Variants in SHISA9 observed in about 807,000 individuals in gnomAD.
The protein encoded by SHISA9 is shisa family member 9, also known as protein shisa-9.
SHISA9 carries 13 observed loss-of-function variants against 38.0 expected under a neutral mutation model. The ratio of observed to expected loss-of-function variants is 0.34; its 90% confidence interval spans 0.22 to 0.54. SHISA9 has a LOEUF of 0.54. SHISA9 is among the 20% of genes least tolerant of loss of function. The pLI is 0.91. For synonymous variants in SHISA9, 275 were observed against 242.0 expected, an observed-to-expected ratio of 1.14 and a Z score of -1.27; for missense variants, 538 against 575.8, an observed-to-expected ratio of 0.93 and a Z score of 0.67.
chr16:13,235,307 G>A lies in SHISA9; in HGVS notation c.1173G>A (p.Thr391=). 1 of 1,550,310 alleles carries A rather than the reference G, an allele frequency of 6.5e-7. No homozygotes were observed. The change falls in exon 5 of 5, where the codon ACG becomes ACA. Residue 391 remains threonine, a synonymous_variant. Coordinates refer to ENST00000558583, the MANE Select transcript of SHISA9 (RefSeq NM_001145204.3). The part of the protein sequence containing the change: ...QAYSNKGKLG[T]AETGSSDPLG... ...ACAGCAACAAGGGCAAGCTTGGCAC[G>A]GCCGAGACAGGCTCCAGCGACCCCT... is the stretch of plus-strand genomic sequence containing the variant.
the SHISA9 span, among the ~76,000 whole-genome samples, chr16:13,315,933 T>C: frequency 2.0e-5 from 3 of 151,956 alleles, no homozygotes; most frequent in South Asian, 2.1e-4. Flanking sequence ...ATGGATAAAA[T>C]TGCCCAGATG....
chr16:12,939,568 A>G (rs1423790941), intron 2 of SHISA9, among the ~76,000 whole-genome samples: 1 of 151,942 alleles, frequency 6.6e-6, no homozygotes, highest in Non-Finnish European at 1.5e-5. Flanking sequence ...ATTTAAGTCA[A>G]CCCCATGGGA....
chr16:13,366,637 G>A, the SHISA9 span, among the ~76,000 whole-genome samples: 1 of 151,874 alleles, frequency 6.6e-6, no homozygotes, highest in African/African-American at 2.4e-5. Flanking sequence ...GAGCCCAGGA[G>A]TTTGAGACCA....
intron 2 of SHISA9, among the ~76,000 whole-genome samples, chr16:12,946,623 G>A (rs1567348670): frequency 6.6e-6 from 1 of 152,228 alleles, no homozygotes; most frequent in Non-Finnish European, 1.5e-5. Flanking sequence ...GAGGCAAGTG[G>A]CTGGTGTTTT....
the SHISA9 span, chr16:13,350,372 G>C: frequency 6.6e-6 from 1 of 152,364 alleles, no homozygotes; most frequent in Non-Finnish European, 1.5e-5. Context: ...AGCTTCCCTG[G>C]GTCTCCAGCC....
At chr16:13,132,054 G>GC (rs796612835) in intron 2 of SHISA9, among the ~76,000 whole-genome samples, 37 of 152,300 alleles carry the variant, frequency 2.4e-4, no homozygotes, top group African/African-American at 8.9e-4. Context: ...ACAGCGACAA[G>GC]CACAGGACAA....
chr16:13,552,067 A>G, the SHISA9 span, among the ~76,000 whole-genome samples: 1 of 152,138 alleles, frequency 6.6e-6, no homozygotes, highest in African/African-American at 2.4e-5. Flanking sequence ...GTGGGGACGC[A>G]TTTTGCTTCA....
the SHISA9 span, among the ~76,000 whole-genome samples, chr16:13,324,491 C>G: frequency 6.6e-6 from 1 of 151,986 alleles, no homozygotes; most frequent in Admixed American, 6.6e-5. Flanking sequence ...GGTTCAAATC[C>G]TAGCTCTACT....
intron 2 of SHISA9, among the ~76,000 whole-genome samples, chr16:12,922,596 T>G (rs1257330908): frequency 6.6e-6 from 1 of 152,260 alleles, no homozygotes; most frequent in Non-Finnish European, 1.5e-5. Context: ...CTTGGCTCAT[T>G]GCGACCCCTG....
At chr16:13,359,376 G>T in the SHISA9 span, among the ~76,000 whole-genome samples, 2 of 152,274 alleles carry the variant, frequency 1.3e-5, no homozygotes, top group African/African-American at 2.4e-5. Context: ...CCAGGTACCC[G>T]GGAGGCTGAG....
intron 2 of SHISA9, among the ~76,000 whole-genome samples, chr16:12,917,309 C>A (rs7193468): frequency 0.27 from 40,628 of 151,862 alleles, 5,861 homozygotes; most frequent in Middle Eastern, 0.34. Flanking sequence ...TTCTTTGTAA[C>A]GCTAGAGTTT....
the SHISA9 span, among the ~76,000 whole-genome samples, chr16:13,352,651 T>C: frequency 7.0e-6 from 1 of 143,454 alleles, no homozygotes; most frequent in Non-Finnish European, 1.5e-5. Flanking sequence ...TTATTTCACC[T>C]GGGCGCAGGC....
the SHISA9 span, among the ~76,000 whole-genome samples, chr16:13,529,992 C>T: frequency 2.0e-5 from 3 of 152,280 alleles, no homozygotes; most frequent in African/African-American, 2.4e-5. Flanking sequence ...AGTGCTTGGC[C>T]GCCTGGGTTT....
the SHISA9 span, among the ~76,000 whole-genome samples, chr16:13,444,960 G>T: frequency 2.2e-5 from 3 of 137,510 alleles, no homozygotes; most frequent in Non-Finnish European, 4.7e-5. Context: ...CTGGGACCAT[G>T]GGCACACACC....
At chr16:13,542,139 C>G in the SHISA9 span, among the ~76,000 whole-genome samples, 1 of 152,106 alleles carries the variant, frequency 6.6e-6, no homozygotes, top group African/African-American at 2.4e-5. Context: ...CTGGAACCAC[C>G]AGAAGCTGGA....
At chr16:13,522,236 T>C in the SHISA9 span, among the ~76,000 whole-genome samples, 1 of 152,232 alleles carries the variant, frequency 6.6e-6, no homozygotes. Context: ...TCCATTGTGA[T>C]GCTCAGATGC....
chr16:13,067,547 C>T (rs995113938), intron 2 of SHISA9, among the ~76,000 whole-genome samples: 6 of 152,244 alleles, frequency 3.9e-5, no homozygotes, highest in Admixed American at 6.5e-5. Flanking sequence ...TGTAATTTCT[C>T]TCCTAGAAAT....
At chr16:13,126,025 C>T (rs1006920152) in intron 2 of SHISA9, among the ~76,000 whole-genome samples, 2 of 152,184 alleles carry the variant, frequency 1.3e-5, no homozygotes, top group Admixed American at 6.5e-5. Flanking sequence ...TCAATATTTG[C>T]AATTGGCAGG....
intron 2 of SHISA9, among the ~76,000 whole-genome samples, chr16:13,106,966 T>TTCTCTCTCTCTCTCTCTC (rs56109043): frequency 6.9e-6 from 1 of 145,206 alleles, no homozygotes; most frequent in African/African-American, 2.5e-5. Flanking sequence ...CTTTCTCACG[T>TTCTCTCTCTCTCTCTCTC]TCTCTCTCTC....
Sources: gnomAD v4.1 joint callset for allele counts (sites outside exome capture counted in the v4.1 genomes callset) on GRCh38, gnomAD v4.1.1 for gene constraint, MANE v1.5 for transcripts, NCBI Gene and HGNC (gene_info 2026-07-23, HGNC 2026-07-21) for gene names.